Variants in DNAL1 observed in about 807,000 individuals in gnomAD.
DNAL1 encodes the protein chromosome 14 open reading frame 168.
A neutral mutation model predicts 29.4 loss-of-function variants in DNAL1; 17 were observed. That is an observed-to-expected ratio of 0.58 (90% confidence interval 0.40 to 0.87). The LOEUF (loss-of-function observed/expected upper bound fraction) is 0.87, where lower values mean the gene tolerates loss of function less well. DNAL1 is among the 40% of genes least tolerant of loss of function. DNAL1 has a pLI of 0.00. For synonymous variants in DNAL1, 78 were observed against 76.3 expected, an observed-to-expected ratio of 1.02 and a Z score of -0.12; for missense variants, 188 against 214.1, an observed-to-expected ratio of 0.88 and a Z score of 0.76.
intron 2 of DNAL1, among the ~76,000 whole-genome samples, chr14:73,655,367 G>A (rs1454148729): frequency 7.7e-5 from 11 of 142,186 alleles, no homozygotes; most frequent in Non-Finnish European, 1.4e-4. Context: ...TTTTTGAGAC[G>A]GAGTTTCGCT....
At chr14:73,677,595 C>T (rs1277067519) in intron 5 of DNAL1, among the ~76,000 whole-genome samples, 4 of 150,104 alleles carry the variant, frequency 2.7e-5, no homozygotes, top group Admixed American at 2.0e-4. Flanking sequence ...CTGGCTCTGT[C>T]GCCCAGGCTG....
rs892549197 is a variant in DNAL1 at position 73,696,389 on chromosome 14, T to C, written c.*447T>C. 1 of 152,990 alleles carries C rather than the reference T, an allele frequency of 6.5e-6. No homozygotes were observed. Among genetic ancestry groups the C allele is most frequent in the Non-Finnish European group, 1.5e-5 (1 of 68,320 alleles). 9.5% of individuals were successfully genotyped at this position (152,990 alleles called of 1,614,324 possible). ...CAATTCAGAAGCACATGCCTTTAGC[T>C]CAGAAGGCAGCATGGTGATGGGAAG... On this transcript the variant is annotated 3_prime_UTR_variant, in exon 8 of 8. Transcript: ENST00000553645.
chr14:73,693,125 C>T (rs1254080761), intron 7 of DNAL1, among the ~76,000 whole-genome samples: 3 of 152,110 alleles, frequency 2.0e-5, no homozygotes, highest in South Asian at 2.1e-4. Context: ...TGAGCCACCG[C>T]GCCCAGCCTA....
chr14:73,682,874 T>C (rs1361258217), intron 5 of DNAL1, among the ~76,000 whole-genome samples: 2 of 116,420 alleles, frequency 1.7e-5, no homozygotes, highest in African/African-American at 5.6e-5. Flanking sequence ...TAGTTATTTT[T>C]TTTTTTTTTT....
At chr14:73,677,962 TCTCAG>T (rs1891786877) in intron 5 of DNAL1, among the ~76,000 whole-genome samples, 1 of 150,370 alleles carries the variant, frequency 6.7e-6, no homozygotes, top group Non-Finnish European at 1.5e-5. Flanking sequence ...AGTGACACAA[TCTCAG>T]CTCACTGCAA....
At chr14:73,688,789 T>A (rs1892085152) in intron 6 of DNAL1, among the ~76,000 whole-genome samples, 1 of 152,160 alleles carries the variant, frequency 6.6e-6, no homozygotes, top group Non-Finnish European at 1.5e-5. Flanking sequence ...AGTGATTTGT[T>A]CTTTTTGACT....
At chr14:73,672,187 T>C (rs1319000719) in intron 5 of DNAL1, among the ~76,000 whole-genome samples, 1 of 152,178 alleles carries the variant, frequency 6.6e-6, no homozygotes, top group Non-Finnish European at 1.5e-5. Context: ...ATAGGAGTCA[T>C]GTTCAGAGGT....
intron 5 of DNAL1, among the ~76,000 whole-genome samples, chr14:73,677,996 A>G (rs551852540): frequency 6.6e-6 from 1 of 150,486 alleles, no homozygotes; most frequent in Non-Finnish European, 1.5e-5. Flanking sequence ...TCCTGGGCTT[A>G]AGTGATCCTC....
chr14:73,682,534 G>T (rs1364479069), intron 5 of DNAL1, among the ~76,000 whole-genome samples: 2 of 151,420 alleles, frequency 1.3e-5, no homozygotes, highest in African/African-American at 2.4e-5. Context: ...TTAACTTTTT[G>T]ACTTTTTTGT....
At chr14:73,676,579 A>G (rs1405277300) in intron 5 of DNAL1, among the ~76,000 whole-genome samples, 1 of 152,222 alleles carries the variant, frequency 6.6e-6, no homozygotes, top group Admixed American at 6.5e-5. Context: ...TACATTAAAA[A>G]TAGCTGTGTA....
chr14:73,685,459 A>ATT (rs1891998461), intron 5 of DNAL1, among the ~76,000 whole-genome samples: 1 of 143,310 alleles, frequency 7.0e-6, no homozygotes, highest in Non-Finnish European at 1.5e-5. Flanking sequence ...CTTTCTGCTT[A>ATT]ATTTTTTTTT....
intron 1 of DNAL1, among the ~76,000 whole-genome samples, chr14:73,653,918 A>G (rs562733526): frequency 6.6e-6 from 1 of 152,316 alleles, no homozygotes; most frequent in African/African-American, 2.4e-5. Flanking sequence ...TTTACTAAGA[A>G]AAAAATGGTT....
intron 7 of DNAL1, among the ~76,000 whole-genome samples, chr14:73,693,600 A>G (rs1292065600): frequency 2.0e-5 from 3 of 152,146 alleles, no homozygotes; most frequent in African/African-American, 4.8e-5. Flanking sequence ...CTGTGGTCCT[A>G]TTTGGGAGGC....
chr14:73,692,573 C>T (rs1206839393), intron 7 of DNAL1, among the ~76,000 whole-genome samples: 4 of 149,942 alleles, frequency 2.7e-5, no homozygotes, highest in African/African-American at 4.9e-5. Context: ...GCAGGAGAAT[C>T]GCTTGAACCC....
rs1372210839 is a variant in DNAL1 at position 73,656,044 on chromosome 14, T to C, written c.42+1159T>C. 2.6e-5 allele frequency among the ~76,000 whole-genome samples: 4 copies of C among 152,190 alleles called. No homozygotes were observed. In the East Asian group the frequency reaches 7.7e-4, roughly 29 times the overall value. On this transcript the variant is annotated intron_variant, in intron 2 of 7. Transcript: ENST00000553645. ...CAGTAGTTTTTTTGCATCACTTCTCTGCCTTTTGGCTAAGATCTAGTGTAG... is the reference window on the plus strand; with the variant it reads ...CAGTAGTTTTTTTGCATCACTTCTCCGCCTTTTGGCTAAGATCTAGTGTAG...
At chr14:73,656,972 C>T (rs1005679383) in intron 2 of DNAL1, among the ~76,000 whole-genome samples, 8 of 151,774 alleles carry the variant, frequency 5.3e-5, no homozygotes, top group South Asian at 2.1e-4. Flanking sequence ...AAAGTATAGA[C>T]GGGGTCTCAC....
Position 73,659,271 on chromosome 14 carries a change from C to T in DNAL1, c.152+315C>T, listed in dbSNP as rs1286965305. Among the ~76,000 whole-genome samples the T allele has an allele frequency of 4.0e-5, 6 of 151,652 alleles. No homozygotes were observed. The East Asian group carries it at 9.7e-4, about 25-fold the overall frequency. On this transcript the variant is annotated intron_variant, in intron 3 of 7. Transcript: ENST00000553645. ...ACGCCTCCCGGGTTCGAGCAGTTCT[C>T]CTGCCTCAGCCTCCCGGGTAGCTGA... is the stretch of plus-strand genomic sequence containing the variant.
At chr14:73,695,871 T>G (rs1367070337) in intron 7 of DNAL1, 31 bp from the exon 8 acceptor site, 1 of 1,529,906 alleles carries the variant, frequency 6.5e-7, no homozygotes, top group Non-Finnish European at 8.8e-7. Flanking sequence ...TTTTTGAGAA[T>G]AACCAGTAAT....
At chr14:73,681,941 C>T (rs1380965478) in intron 5 of DNAL1, among the ~76,000 whole-genome samples, 1 of 151,420 alleles carries the variant, frequency 6.6e-6, no homozygotes, top group Non-Finnish European at 1.5e-5. Flanking sequence ...GGAGAAACCC[C>T]ATCTCTATTG....
Sources: gnomAD v4.1 joint callset for allele counts (sites outside exome capture counted in the v4.1 genomes callset) on GRCh38, gnomAD v4.1.1 for gene constraint, MANE v1.5 for transcripts, NCBI Gene and HGNC (gene_info 2026-07-23, HGNC 2026-07-21) for gene names.